The following SMYD3 variants were observed in gnomAD, a reference collection of about 807,000 sequenced individuals.
The protein encoded by SMYD3 is SET and MYND domain containing 3, also known as histone-lysine N-methyltransferase SMYD3.
SMYD3 carries 36 observed loss-of-function variants against 57.7 expected under a neutral mutation model. That is an observed-to-expected ratio of 0.62 (90% CI 0.48 to 0.82). SMYD3 has a LOEUF of 0.82. Ranked by LOEUF, SMYD3 falls within the 40% of genes least tolerant of loss-of-function variation. The pLI, the probability that SMYD3 is intolerant of heterozygous loss-of-function variation, is 0.00. For synonymous variants in SMYD3, 211 were observed against 195.0 expected (o/e 1.08, Z -0.68); for missense variants, 515 against 538.8 (o/e 0.96, Z 0.44).
intron 1 of SMYD3, among the ~76,000 whole-genome samples, chr1:246,359,189 T>C (rs1290815293): frequency 6.6e-6 from 1 of 152,166 alleles, no homozygotes; most frequent in Admixed American, 6.5e-5. Context: ...AACACCTTTA[T>C]GTGCCTAAAC....
intron 5 of SMYD3, among the ~76,000 whole-genome samples, chr1:246,240,985 T>C (rs1434260290): frequency 1.3e-5 from 2 of 152,116 alleles, no homozygotes; most frequent in African/African-American, 4.8e-5. Context: ...CTTAAGGAGA[T>C]TTTGGACTGA....
intron 8 of SMYD3, among the ~76,000 whole-genome samples, chr1:245,893,782 C>T (rs1255440502): frequency 6.7e-6 from 1 of 149,734 alleles, no homozygotes; most frequent in Admixed American, 6.7e-5. Flanking sequence ...TGGTTGTGGT[C>T]ACAGACTGCA....
At chr1:246,050,832 T>C (rs2060054401) in intron 5 of SMYD3, among the ~76,000 whole-genome samples, 1 of 152,190 alleles carries the variant, frequency 6.6e-6, no homozygotes, top group African/African-American at 2.4e-5. Flanking sequence ...AAAACCAATG[T>C]TCCACCTAAT....
chr1:246,420,885 C>T (rs923375882), intron 1 of SMYD3, among the ~76,000 whole-genome samples: 1 of 152,152 alleles, frequency 6.6e-6, no homozygotes, highest in African/African-American at 2.4e-5. Flanking sequence ...TGAACTTTAC[C>T]TTTTTCTTTG....
At chr1:246,030,234 C>T (rs1043016151) in intron 5 of SMYD3, among the ~76,000 whole-genome samples, 2 of 152,020 alleles carry the variant, frequency 1.3e-5, no homozygotes, top group African/African-American at 4.8e-5. Flanking sequence ...TACTATTCAG[C>T]CATAGAAAAG....
chr1:246,430,583 C>T (rs1028533200), intron 1 of SMYD3, among the ~76,000 whole-genome samples: 17 of 152,156 alleles, frequency 1.1e-4, no homozygotes, highest in Non-Finnish European at 1.6e-4. Flanking sequence ...GAATCCCTAA[C>T]GAGTTGTTTG....
chr1:246,370,758 C>T (rs2066180781), intron 1 of SMYD3, among the ~76,000 whole-genome samples: 2 of 152,190 alleles, frequency 1.3e-5, no homozygotes, highest in African/African-American at 2.4e-5. Flanking sequence ...GCTACATCTA[C>T]GTGTGTCACA....
rs7550259 is a variant in SMYD3, at chr1:245,918,950, C to A, written c.703-3310G>T. On this transcript the variant is annotated intron_variant, in intron 7 of 11. Coordinates refer to ENST00000490107, the MANE Select transcript of SMYD3 (RefSeq NM_001167740.2). ...CAGAAAAAAATGTGCTTGACTAACC[C>A]AAGACTTTATTACAAGGGCCAAAAC... 2.8e-4 allele frequency among the ~76,000 whole-genome samples: 42 copies of A among 152,136 alleles called. No individual in the cohort carries two copies. The South Asian group carries it at 7.5e-3, about 27-fold the overall frequency.
intron 5 of SMYD3, among the ~76,000 whole-genome samples, chr1:245,950,871 C>A (rs1215661014): frequency 6.6e-6 from 1 of 152,194 alleles, no homozygotes; most frequent in African/African-American, 2.4e-5. Context: ...ACCTATCACA[C>A]CGCTCTCTCT....
intron 5 of SMYD3, among the ~76,000 whole-genome samples, chr1:245,949,048 G>A (rs568064269): frequency 2.2e-4 from 34 of 152,344 alleles, no homozygotes; most frequent in Non-Finnish European, 3.8e-4. Context: ...CAGGCCTAAG[G>A]ACCGGACTGC....
At chr1:245,864,593 T>C (rs937626822) in intron 8 of SMYD3, among the ~76,000 whole-genome samples, 2 of 152,164 alleles carry the variant, frequency 1.3e-5, no homozygotes, top group African/African-American at 4.8e-5. Context: ...GATTTGTGGT[T>C]GCCTAGGGCT....
intron 1 of SMYD3, among the ~76,000 whole-genome samples, chr1:246,369,111 G>T (rs4654247): frequency 0.023 from 3,469 of 152,016 alleles, 78 homozygotes; most frequent in South Asian, 0.046. Context: ...ACATTACATG[G>T]GCCCTGAGAT....
intron 5 of SMYD3, among the ~76,000 whole-genome samples, chr1:246,017,450 C>A (rs900783869): frequency 6.6e-6 from 1 of 152,130 alleles, no homozygotes. Context: ...GTTTGCTTGA[C>A]TTTCATGAGC....
At chr1:246,338,156 T>G (rs1464763869) in intron 2 of SMYD3, among the ~76,000 whole-genome samples, 8 of 152,236 alleles carry the variant, frequency 5.3e-5, no homozygotes. Flanking sequence ...AAAATTGGTC[T>G]GTAATATGGT....
intron 5 of SMYD3, among the ~76,000 whole-genome samples, chr1:246,180,516 A>T (rs1378580093): frequency 4.0e-5 from 6 of 150,488 alleles, no homozygotes; most frequent in African/African-American, 1.2e-4. Context: ...CCAGCACTTT[A>T]GGAGGCCGAG....
chr1:245,782,369 A>G (rs767472932), intron 10 of SMYD3, among the ~76,000 whole-genome samples: 53 of 152,312 alleles, frequency 3.5e-4, no homozygotes, highest in Non-Finnish European at 6.5e-4. Flanking sequence ...CAAAGGGAGG[A>G]AGAAAGGGAA....
At chr1:245,761,987 G>A (rs1239770416) in intron 11 of SMYD3, among the ~76,000 whole-genome samples, 1 of 151,974 alleles carries the variant, frequency 6.6e-6, no homozygotes, top group Non-Finnish European at 1.5e-5. Context: ...ATTTCACCAT[G>A]TTGGCCAGAC....
chr1:245,833,843 G>A (rs576921443), intron 10 of SMYD3, among the ~76,000 whole-genome samples: 1 of 152,280 alleles, frequency 6.6e-6, no homozygotes, highest in South Asian at 2.1e-4. Flanking sequence ...CACTCTCAGG[G>A]TCTCACCCGC....
chr1:246,036,616 C>T (rs994292115), intron 5 of SMYD3, among the ~76,000 whole-genome samples: 6 of 149,674 alleles, frequency 4.0e-5, no homozygotes, highest in South Asian at 4.2e-4. Context: ...TGCAGTGGTG[C>T]GATCTCGGCT....
Sources: allele counts gnomAD v4.1 joint callset (sites outside exome capture counted in the v4.1 genomes callset), GRCh38; gene constraint gnomAD v4.1.1; transcripts MANE v1.5; gene names NCBI Gene and HGNC (gene_info 2026-07-23, HGNC 2026-07-21).